The following SPSB1 variants were observed in gnomAD, a reference collection of about 807,000 sequenced individuals.
SPSB1 encodes SPRY domain-containing SOCS box protein 1.
A neutral mutation model predicts 21.2 loss-of-function variants in SPSB1; 8 were observed. That is an observed-to-expected ratio of 0.38 (90% CI 0.22 to 0.68). The LOEUF (loss-of-function observed/expected upper bound fraction) is 0.68. Among genes scored for constraint, SPSB1 ranks in the 30% least tolerant of loss-of-function variants. The pLI, the probability that SPSB1 is intolerant of heterozygous loss-of-function variation, is 0.53. For missense variants in SPSB1, 242 were observed against 377.8 expected (o/e 0.64, Z 2.98); for synonymous variants, 169 against 161.7 (o/e 1.05, Z -0.34).
rs1294055 is a variant in SPSB1 at position 9,321,975 on chromosome 1, C to A, written c.-150+28904C>A. 0.09 allele frequency among the ~76,000 whole-genome samples: 13,641 copies of A among 152,130 alleles called. 1,719 individuals carry two copies. The highest frequency in any genetic ancestry group is 0.28 in the African/African-American group (11,796 of 41,440). On this transcript the variant is annotated intron_variant, in intron 1 of 2. Transcript: ENST00000328089. This position sits in a 1 kb window ranked among gnomAD's most constrained non-coding sequence, Gnocchi z 4.8. ...CACCTCTAACCCTGTGGGGGACAAC[C>A]ACAATGTCTGTTTTATAGATGGGCC...
intron 1 of SPSB1, among the ~76,000 whole-genome samples, chr1:9,302,444 C>T (rs753817971): frequency 3.9e-5 from 6 of 152,176 alleles, no homozygotes; most frequent in African/African-American, 9.7e-5. Flanking sequence ...AGTCACTCAA[C>T]TGGGTGGGGA....
intron 1 of SPSB1, among the ~76,000 whole-genome samples, chr1:9,344,748 C>T (rs1180938383): frequency 6.6e-6 from 1 of 152,146 alleles, no homozygotes. Context: ...GCCCGGCCCC[C>T]TGACTGTCAC....
At position 9,367,578 on chromosome 1, in the gene SPSB1, T is replaced by G; in HGVS notation, c.*3T>G. 1 of 1,603,940 alleles carries G rather than the reference T, an allele frequency of 6.2e-7. No homozygotes were observed. Among genetic ancestry groups the G allele is most frequent in the Non-Finnish European group, 8.5e-7 (1 of 1,173,522 alleles). On this transcript the variant is annotated 3_prime_UTR_variant, in exon 3 of 3. Coordinates refer to ENST00000328089, the MANE Select transcript of SPSB1 (RefSeq NM_025106.4). The surrounding 1 kb of genome is among the most constrained non-coding windows in gnomAD (Gnocchi z 5.9). ...AGGCCTACCTCCTCTACCAGTGACG[T>G]TCGCCATCATACCGCCAGCGCGACA...
At position 9,305,267 on chromosome 1, in the gene SPSB1, G is replaced by A. The variant is rs1557445383; in HGVS notation, c.-150+12196G>A. On this transcript the variant is annotated intron_variant, in intron 1 of 2. Coordinates refer to ENST00000328089, the MANE Select transcript of SPSB1 (RefSeq NM_025106.4). The surrounding 1 kb of genome is among the most constrained non-coding windows in gnomAD (Gnocchi z 4.8). Reference sequence around the variant, plus strand: ...CCCTCTCGCTTCACTTTCCAAAACCGGATCCCCTCACTCCTCCCCTCTTCC... The same window carrying A: ...CCCTCTCGCTTCACTTTCCAAAACCAGATCCCCTCACTCCTCCCCTCTTCC... 1.3e-5 allele frequency among the ~76,000 whole-genome samples: 2 copies of A among 152,024 alleles called. No individual in the cohort carries two copies. Among genetic ancestry groups the A allele is most frequent in the African/African-American group, 2.4e-5 (1 of 41,384 alleles).
rs966716560 is a variant in SPSB1 at position 9,299,982 on chromosome 1, A to T, written c.-150+6911A>T. Among the ~76,000 whole-genome samples, 7 of 148,616 alleles carry T rather than the reference A, an allele frequency of 4.7e-5. No homozygotes were observed. The East Asian group carries it at 1.4e-3, about 29-fold the overall frequency. ...CTGTCTCAAAAAAAAAAAAAAAAAAAGGGTCTCATGCTGGTCCATTACATT... is the reference window on the plus strand; with the variant it reads ...CTGTCTCAAAAAAAAAAAAAAAAAATGGGTCTCATGCTGGTCCATTACATT... On this transcript the variant is annotated intron_variant, in intron 1 of 2. Transcript: ENST00000328089.
intron 2 of SPSB1, among the ~76,000 whole-genome samples, chr1:9,360,917 C>T (rs148951951): frequency 6.6e-6 from 1 of 152,320 alleles, no homozygotes; most frequent in African/African-American, 2.4e-5. Flanking sequence ...TGTGCTGCCA[C>T]CTGTGGGGGG....
At position 9,367,530 on chromosome 1, in the gene SPSB1, G is replaced by T. The variant is rs142728049; in HGVS notation, c.777G>T (p.Thr259=). 3.7e-6 allele frequency: 6 copies of T among 1,612,610 alleles called. No individual in the cohort carries two copies. The highest frequency in any genetic ancestry group is 3.3e-5 in the Admixed American group (2 of 59,952). ...GGGAGCGCCTGGGGGAGATCCACAC[G>T]CTGCCGCTGCCGGCTTCCCTCAAGG... is the stretch of plus-strand genomic sequence containing the variant. The part of the protein sequence containing the change: ...LGRERLGEIH[T]LPLPASLKAY... Residue 259 remains threonine, a synonymous_variant, in exon 3 of 3, where the codon ACG becomes ACT. Transcript: ENST00000328089. This position sits in a 1 kb window ranked among gnomAD's most constrained non-coding sequence, Gnocchi z 5.9.
intron 1 of SPSB1, among the ~76,000 whole-genome samples, chr1:9,352,832 C>T (rs1370430975): frequency 1.3e-5 from 2 of 148,520 alleles, no homozygotes; most frequent in African/African-American, 2.5e-5. Flanking sequence ...CTCCCACCCT[C>T]CCCTCCCTCC....
chr1:9,301,551 G>A (rs1362489385), intron 1 of SPSB1, among the ~76,000 whole-genome samples: 4 of 151,188 alleles, frequency 2.6e-5, no homozygotes, highest in South Asian at 2.1e-4. Flanking sequence ...ACCTGAGTGC[G>A]CACAGGACAC....
intron 1 of SPSB1, among the ~76,000 whole-genome samples, chr1:9,344,110 G>A (rs911933617): frequency 6.6e-6 from 1 of 152,126 alleles, no homozygotes; most frequent in African/African-American, 2.4e-5. Flanking sequence ...TAAAAATTAT[G>A]GTACAAGTGT....
intron 1 of SPSB1, among the ~76,000 whole-genome samples, chr1:9,350,035 A>G (rs554174645): frequency 8.7e-4 from 132 of 152,172 alleles, no homozygotes; most frequent in South Asian, 2.7e-3. Context: ...ACATGAAGAC[A>G]CACCACACAC....
chr1:9,339,482 C>T (rs916118627), intron 1 of SPSB1, among the ~76,000 whole-genome samples: 1 of 152,102 alleles, frequency 6.6e-6, no homozygotes, highest in African/African-American at 2.4e-5. Context: ...GGGAAGGCTC[C>T]GTGGAGGAGG....
At chr1:9,358,141 G>A (rs966024881) in intron 2 of SPSB1, among the ~76,000 whole-genome samples, 18 of 152,122 alleles carry the variant, frequency 1.2e-4, no homozygotes, top group South Asian at 2.1e-4. Context: ...CCTCCCCCAC[G>A]TCAGCCTTTG....
At chr1:9,347,783 T>C (rs772345647) in intron 1 of SPSB1, among the ~76,000 whole-genome samples, 7 of 152,010 alleles carry the variant, frequency 4.6e-5, no homozygotes, top group Non-Finnish European at 8.8e-5. Context: ...GGAAGGGCTG[T>C]TGCTGGGTGA....
At chr1:9,341,893 G>A (rs1314468890) in intron 1 of SPSB1, among the ~76,000 whole-genome samples, 1 of 151,964 alleles carries the variant, frequency 6.6e-6, no homozygotes, top group South Asian at 2.1e-4. Context: ...GTAGAGATGG[G>A]GTTTCTCCAT....
chr1:9,315,225 G>A (rs1439281515), intron 1 of SPSB1, among the ~76,000 whole-genome samples: 3 of 152,196 alleles, frequency 2.0e-5, no homozygotes, highest in Non-Finnish European at 2.9e-5. Context: ...CACGGACAAA[G>A]CAGTAGGGCT....
At position 9,346,432 on chromosome 1, in the gene SPSB1, T is replaced by C. The variant is rs1295697572; in HGVS notation, c.-149-9311T>C. Among the ~76,000 whole-genome samples the C allele has an allele frequency of 2.0e-5, 3 of 152,232 alleles. No individual in the cohort carries two copies. Among genetic ancestry groups the C allele is most frequent in the African/African-American group, 7.2e-5 (3 of 41,462 alleles). ...GCATCCTTTACCTGCCCTTTCTGTC[T>C]GTCTGTCCCCAGTCGCTTTGGCTAC... is the stretch of plus-strand genomic sequence containing the variant. On this transcript the variant is annotated intron_variant, in intron 1 of 2. Coordinates refer to ENST00000328089, the MANE Select transcript of SPSB1 (RefSeq NM_025106.4). This position sits in a 1 kb window ranked among gnomAD's most constrained non-coding sequence, Gnocchi z 4.4.
chr1:9,312,811 C>T (rs1639545540), intron 1 of SPSB1, among the ~76,000 whole-genome samples: 2 of 152,116 alleles, frequency 1.3e-5, no homozygotes, highest in African/African-American at 4.8e-5. Context: ...TTGGAAGGCG[C>T]CCAGGGAAGG....
chr1:9,349,968 G>A (rs1427136149), intron 1 of SPSB1, among the ~76,000 whole-genome samples: 3 of 151,602 alleles, frequency 2.0e-5, no homozygotes, highest in Non-Finnish European at 4.4e-5. Flanking sequence ...CACACACGCA[G>A]ACACAGGCAG....
Sources: gnomAD v4.1 joint callset for allele counts (sites outside exome capture counted in the v4.1 genomes callset) on GRCh38, gnomAD v4.1.1 for gene constraint, Gnocchi (gnomAD v3.1) non-coding constraint, MANE v1.5 for transcripts, NCBI Gene and HGNC (gene_info 2026-07-23, HGNC 2026-07-21) for gene names.